The following DIAPH3 variants were observed in gnomAD, a reference collection of about 807,000 sequenced individuals.
DIAPH3 encodes diaphanous related formin 3.
DIAPH3 carries 117 observed loss-of-function variants against 144.3 expected under a neutral mutation model. The observed-to-expected ratio is 0.81, with a 90% CI of 0.70 to 0.95. The LOEUF (loss-of-function observed/expected upper bound fraction) is 0.95, where lower values mean the gene tolerates loss of function less well. Ranked by LOEUF, DIAPH3 falls within the 40% of genes least tolerant of loss-of-function variation. The probability of loss-of-function intolerance (pLI) is 0.00; values close to 1 mark genes in which losing one functional copy is unlikely to be tolerated. For missense variants in DIAPH3, 1,421 were observed against 1,412.7 expected (o/e 1.01, Z -0.09); for synonymous variants, 519 against 488.9 (o/e 1.06, Z -0.81).
chr13:59,958,675 A>G (rs1023063342), intron 17 of DIAPH3, among the ~76,000 whole-genome samples: 2 of 151,928 alleles, frequency 1.3e-5, no homozygotes, highest in African/African-American at 4.8e-5. Context: ...ACTGCAAAAT[A>G]TATAATACAC....
intron 25 of DIAPH3, among the ~76,000 whole-genome samples, chr13:59,799,375 GCA>G (rs56979042): frequency 0.32 from 44,208 of 138,784 alleles, 6,769 homozygotes; most frequent in Middle Eastern, 0.43. Flanking sequence ...CTGGAAATAT[GCA>G]CACACACACA....
At chr13:59,907,342 T>C (rs2046790884) in intron 20 of DIAPH3, among the ~76,000 whole-genome samples, 1 of 152,146 alleles carries the variant, frequency 6.6e-6, no homozygotes, top group Admixed American at 6.5e-5. Context: ...CAAGCCACTA[T>C]AAAAAGATAC....
At chr13:59,710,337 TA>T (rs769926089) in intron 27 of DIAPH3, among the ~76,000 whole-genome samples, 20 of 151,396 alleles carry the variant, frequency 1.3e-4, no homozygotes, top group East Asian at 3.9e-4. Context: ...GCAAAGATCT[TA>T]AAAAAAAACC....
intron 4 of DIAPH3, among the ~76,000 whole-genome samples, chr13:60,056,664 T>A (rs2056572100): frequency 6.6e-6 from 1 of 151,770 alleles, no homozygotes; most frequent in Non-Finnish European, 1.5e-5. Context: ...GGGTGTAGAA[T>A]AGTACCAGAT....
chr13:59,861,689 GA>G, intron 21 of DIAPH3, among the ~76,000 whole-genome samples, 153 bp from the exon 22 acceptor site: 1 of 152,172 alleles, frequency 6.6e-6, no homozygotes, highest in Admixed American at 6.5e-5. Context: ...TTAAATACTC[GA>G]AAAACTACTT....
chr13:60,005,603 C>T (rs1409612000), intron 9 of DIAPH3, among the ~76,000 whole-genome samples: 1 of 152,130 alleles, frequency 6.6e-6, no homozygotes, highest in Non-Finnish European at 1.5e-5. Context: ...GCCTCAGCTT[C>T]CCGAGTAGCT....
intron 5 of DIAPH3, among the ~76,000 whole-genome samples, chr13:60,032,992 C>A (rs73549741): frequency 0.078 from 11,873 of 152,204 alleles, 1,382 homozygotes; most frequent in African/African-American, 0.26. Flanking sequence ...ATTTCTTCCA[C>A]CAGATACCCT....
At chr13:59,952,008 T>C (rs1266285408) in intron 17 of DIAPH3, among the ~76,000 whole-genome samples, 1 of 152,170 alleles carries the variant, frequency 6.6e-6, no homozygotes, top group African/African-American at 2.4e-5. Flanking sequence ...AGAATCACCC[T>C]AAATATCCAC....
At chr13:59,842,548 C>G (rs1186214230) in intron 22 of DIAPH3, among the ~76,000 whole-genome samples, 2 of 152,034 alleles carry the variant, frequency 1.3e-5, no homozygotes, top group African/African-American at 4.8e-5. Flanking sequence ...TCCTTCAATT[C>G]CGATACTAAC....
At chr13:60,097,929 G>A (rs1376860867) in intron 3 of DIAPH3, among the ~76,000 whole-genome samples, 1 of 152,094 alleles carries the variant, frequency 6.6e-6, no homozygotes, top group Non-Finnish European at 1.5e-5. Flanking sequence ...TGAGGCAGTG[G>A]CACTTAACTT....
chr13:59,909,564 A>G (rs117556939), intron 20 of DIAPH3, among the ~76,000 whole-genome samples: 1,788 of 152,308 alleles, frequency 0.012, 17 homozygotes, highest in Middle Eastern at 0.024. Flanking sequence ...TTTTCCACCA[A>G]TACAATTACC....
At chr13:59,904,059 G>C (rs367621538) in intron 20 of DIAPH3, among the ~76,000 whole-genome samples, 1 of 152,204 alleles carries the variant, frequency 6.6e-6, no homozygotes, top group Non-Finnish European at 1.5e-5. Flanking sequence ...ATTTTGTATA[G>C]AATGAAGTGT....
intron 20 of DIAPH3, among the ~76,000 whole-genome samples, chr13:59,883,874 T>A (rs972986639): frequency 3.9e-5 from 6 of 152,212 alleles, no homozygotes; most frequent in African/African-American, 7.2e-5. Context: ...CCACCTGTAC[T>A]ATCTCAATAT....
chr13:59,957,277 G>A (rs767743784), intron 17 of DIAPH3, among the ~76,000 whole-genome samples: 12 of 152,156 alleles, frequency 7.9e-5, no homozygotes, highest in Non-Finnish European at 1.5e-4. Flanking sequence ...TAATCCCCAC[G>A]TGTTGTGGGA....
At chr13:60,088,274 T>C (rs765795921) in intron 4 of DIAPH3, among the ~76,000 whole-genome samples, 5 of 152,080 alleles carry the variant, frequency 3.3e-5, no homozygotes, top group Non-Finnish European at 7.4e-5. Flanking sequence ...CTACATAACA[T>C]AAACCAAAAT....
At chr13:60,084,166 TA>T (rs2057674407) in intron 4 of DIAPH3, among the ~76,000 whole-genome samples, 1 of 152,076 alleles carries the variant, frequency 6.6e-6, no homozygotes, top group Admixed American at 6.6e-5. Flanking sequence ...ACTTTTAGGC[TA>T]AAATATACAC....
intron 27 of DIAPH3, among the ~76,000 whole-genome samples, chr13:59,677,111 C>T (rs558056182): frequency 6.6e-6 from 1 of 152,142 alleles, no homozygotes; most frequent in South Asian, 2.1e-4. Flanking sequence ...ACAGTGCCCA[C>T]CTCATAACAA....
chr13:59,921,213 T>C (rs1430191119), intron 18 of DIAPH3, among the ~76,000 whole-genome samples: 1 of 133,100 alleles, frequency 7.5e-6, no homozygotes, highest in African/African-American at 2.8e-5. Context: ...CCAAAATTAG[T>C]AGAAGCAAGA....
Position 59,774,175 on chromosome 13 carries a change from A to AC in DIAPH3, c.3319+13_3319+14insG. The AC allele has an allele frequency of 1.2e-6, 2 of 1,612,110 alleles. No homozygotes were observed. Among genetic ancestry groups the AC allele is most frequent in the Admixed American group, 3.3e-5 (2 of 59,942 alleles). The stretch of plus-strand genomic sequence containing the variant: ...GATAAGAAGAATGTGCAATTTATAA[A>AC]TACGGTTTATTACCATGGTTACAAA... On this transcript the variant is annotated intron_variant, in intron 27 of 27. Transcript: ENST00000400324.
Sources: allele counts gnomAD v4.1 joint callset (sites outside exome capture counted in the v4.1 genomes callset), GRCh38; gene constraint gnomAD v4.1.1; transcripts MANE v1.5; gene names NCBI Gene and HGNC (gene_info 2026-07-23, HGNC 2026-07-21).